The following HS3ST5 variants were observed in gnomAD, a reference collection of about 807,000 sequenced individuals.
The protein encoded by HS3ST5 is heparan sulfate glucosamine 3-O-sulfotransferase 5.
In HS3ST5, 10 loss-of-function variants were observed where a neutral mutation model predicts 25.4. The ratio of observed to expected loss-of-function variants is 0.39; its 90% CI spans 0.24 to 0.67. HS3ST5 has a LOEUF of 0.67. Among genes scored for constraint, HS3ST5 ranks in the 30% least tolerant of loss-of-function variants. The probability of loss-of-function intolerance (pLI) is 0.44; values close to 1 mark genes in which losing one functional copy is unlikely to be tolerated. For synonymous variants in HS3ST5, 170 were observed against 162.4 expected, an observed-to-expected ratio of 1.05 and a Z score of -0.36; for missense variants, 324 against 420.7, an observed-to-expected ratio of 0.77 and a Z score of 2.01.
chr6:114,140,294 A>G (rs1463018364), intron 3 of HS3ST5, among the ~76,000 whole-genome samples: 1 of 152,210 alleles, frequency 6.6e-6, no homozygotes, highest in African/African-American at 2.4e-5. Flanking sequence ...GGTTATCTTT[A>G]ATTTATGAAA....
chr6:114,314,379 A>C (rs73544421), intron 1 of HS3ST5, among the ~76,000 whole-genome samples: 1,733 of 152,334 alleles, frequency 0.011, 21 homozygotes, highest in African/African-American at 0.035. Context: ...TCCTAAGCTA[A>C]GACATTATAC....
intron 1 of HS3ST5, among the ~76,000 whole-genome samples, chr6:114,279,074 T>C (rs1279146522): frequency 1.3e-5 from 2 of 152,050 alleles, no homozygotes; most frequent in African/African-American, 2.4e-5. Flanking sequence ...ATTTCTTTAG[T>C]TGGCAATTAG....
chr6:114,271,039 C>T (rs993658655), intron 1 of HS3ST5, among the ~76,000 whole-genome samples: 1 of 151,734 alleles, frequency 6.6e-6, no homozygotes, highest in Non-Finnish European at 1.5e-5. Context: ...TATTAAATAC[C>T]ATTCACAATA....
chr6:114,311,100 T>C (rs1422790005), intron 1 of HS3ST5, among the ~76,000 whole-genome samples: 1 of 152,148 alleles, frequency 6.6e-6, no homozygotes, highest in Non-Finnish European at 1.5e-5. Flanking sequence ...CCTACCAGGC[T>C]CTTAATCATA....
chr6:114,272,102 C>T (rs1428342473), intron 1 of HS3ST5, among the ~76,000 whole-genome samples: 2 of 152,084 alleles, frequency 1.3e-5, no homozygotes, highest in Non-Finnish European at 2.9e-5. Context: ...TCTTTAAAGT[C>T]TGTCTGCTAA....
chr6:114,130,114 G>A (rs1464855454), intron 3 of HS3ST5, among the ~76,000 whole-genome samples: 1 of 152,188 alleles, frequency 6.6e-6, no homozygotes, highest in Non-Finnish European at 1.5e-5. Context: ...GTGTTGTCCA[G>A]TATGGTAGCC....
chr6:114,059,484 G>T (rs1382805666), intron 4 of HS3ST5: 1 of 152,156 alleles, frequency 6.6e-6, no homozygotes, highest in Non-Finnish European at 1.5e-5. Flanking sequence ...GATATGGTTT[G>T]GCTCTGTGCC....
intron 1 of HS3ST5, among the ~76,000 whole-genome samples, chr6:114,306,491 T>C (rs969373199): frequency 2.6e-5 from 4 of 151,760 alleles, no homozygotes; most frequent in African/African-American, 7.2e-5. Context: ...ATTATAACAT[T>C]ACTAAAACAT....
Position 114,332,959 on chromosome 6 carries a change from A to G in HS3ST5, c.-339+9236T>C, listed in dbSNP as rs1405798002. Among the ~76,000 whole-genome samples, 4 of 152,118 alleles carry G rather than the reference A, an allele frequency of 2.6e-5. No individual in the cohort carries two copies. In the East Asian group the frequency reaches 7.7e-4, roughly 29 times the overall value. ...CAGAAGTTGAGTCCCAGGCTGGTCCACTGGAATAGTAAGGGCTTTGTAGGT... is the reference window on the plus strand; with the variant it reads ...CAGAAGTTGAGTCCCAGGCTGGTCCGCTGGAATAGTAAGGGCTTTGTAGGT... On this transcript the variant is annotated intron_variant, in intron 1 of 4. Coordinates refer to ENST00000312719, the MANE Select transcript of HS3ST5 (RefSeq NM_153612.4).
At chr6:114,261,788 C>A (rs1562256481) in intron 1 of HS3ST5, among the ~76,000 whole-genome samples, 1 of 152,182 alleles carries the variant, frequency 6.6e-6, no homozygotes, top group Non-Finnish European at 1.5e-5. Context: ...CTCCTCCAGG[C>A]CCCATGTGCT....
intron 1 of HS3ST5, among the ~76,000 whole-genome samples, chr6:114,336,684 T>C (rs906053418): frequency 1.3e-5 from 2 of 152,240 alleles, no homozygotes; most frequent in East Asian, 1.9e-4. Flanking sequence ...CAAGACACCA[T>C]AGTTAATAAG....
At chr6:114,120,593 G>A (rs1206790892) in intron 3 of HS3ST5, among the ~76,000 whole-genome samples, 1 of 152,000 alleles carries the variant, frequency 6.6e-6, no homozygotes, top group Non-Finnish European at 1.5e-5. Flanking sequence ...CAGTTCAATT[G>A]GAAAATAGTT....
intron 3 of HS3ST5, among the ~76,000 whole-genome samples, chr6:114,085,786 CAT>C (rs201645734): frequency 9.3e-4 from 142 of 152,220 alleles, no homozygotes; most frequent in African/African-American, 3.2e-3. Flanking sequence ...TAGATTTAGA[CAT>C]ATATTTTAAA....
At chr6:114,154,960 T>A (rs1423982609) in intron 3 of HS3ST5, among the ~76,000 whole-genome samples, 1 of 152,148 alleles carries the variant, frequency 6.6e-6, no homozygotes, top group Non-Finnish European at 1.5e-5. Context: ...ACATATGCAT[T>A]TACTGCCTGT....
intron 1 of HS3ST5, among the ~76,000 whole-genome samples, chr6:114,311,225 T>C (rs1440296366): frequency 4.6e-5 from 7 of 152,196 alleles, no homozygotes; most frequent in Admixed American, 3.9e-4. Flanking sequence ...TAATAAAATC[T>C]GATGCTATTC....
chr6:114,318,738 T>C (rs7755266), intron 1 of HS3ST5, among the ~76,000 whole-genome samples: 9,633 of 152,188 alleles, frequency 0.063, 549 homozygotes, highest in African/African-American at 0.15. Flanking sequence ...ACCTACAAGA[T>C]CATGGGCAAG....
intron 1 of HS3ST5, among the ~76,000 whole-genome samples, chr6:114,329,963 A>G (rs1318489582): frequency 6.6e-6 from 1 of 152,204 alleles, no homozygotes. Context: ...ACTTAAATGT[A>G]TGTTTGAAAT....
Position 114,340,957 on chromosome 6 carries a change from C to T in HS3ST5, c.-339+1238G>A, listed in dbSNP as rs551959295. On this transcript the variant is annotated intron_variant, in intron 1 of 4. Coordinates refer to ENST00000312719, the MANE Select transcript of HS3ST5 (RefSeq NM_153612.4). ...TTAGCACAGAAAGAAGGCCCACCCA[C>T]CCACTTTCGCCCCCACCCAACCCGA... 3.3e-5 allele frequency among the ~76,000 whole-genome samples: 5 copies of T among 151,546 alleles called. No homozygotes were observed. In the South Asian group the frequency reaches 8.4e-4, roughly 25 times the overall value.
At chr6:114,083,426 T>C (rs1753387341) in intron 3 of HS3ST5, among the ~76,000 whole-genome samples, 1 of 151,790 alleles carries the variant, frequency 6.6e-6, no homozygotes, top group African/African-American at 2.4e-5. Flanking sequence ...GGAGACGGGA[T>C]GGGAGTGGGG....
Sources: gnomAD v4.1 joint callset for allele counts (sites outside exome capture counted in the v4.1 genomes callset) on GRCh38, gnomAD v4.1.1 for gene constraint, MANE v1.5 for transcripts, NCBI Gene and HGNC (gene_info 2026-07-23, HGNC 2026-07-21) for gene names.